Variants in SNX18 observed in about 807,000 individuals in gnomAD.
SNX18 encodes sorting nexin 18.
In SNX18, 35 loss-of-function variants were observed where a neutral mutation model predicts 48.7. The observed-to-expected ratio is 0.72, with a 90% CI of 0.55 to 0.95. SNX18 has a LOEUF of 0.95. SNX18 is among the 40% of genes least tolerant of loss of function. SNX18 has a pLI of 0.00. For missense variants in SNX18, 824 were observed against 871.0 expected (o/e 0.95, Z 0.68); for synonymous variants, 492 against 384.7 (o/e 1.28, Z -3.26).
At chr5:54,552,853 C>G in the SNX18 span, among the ~76,000 whole-genome samples, 151,096 of 152,218 alleles carry the variant, frequency 0.99, 74,999 homozygotes, top group Middle Eastern at 1. Flanking sequence ...AAAAACTAAG[C>G]GGGGAGGAGG....
the SNX18 span, among the ~76,000 whole-genome samples, chr5:54,642,193 C>T: frequency 6.6e-6 from 1 of 152,170 alleles, no homozygotes; most frequent in Non-Finnish European, 1.5e-5. Context: ...GGTCGGGTCA[C>T]AATGCTCCTG....
the SNX18 span, among the ~76,000 whole-genome samples, chr5:54,618,159 G>T: frequency 6.6e-6 from 1 of 152,164 alleles, no homozygotes; most frequent in East Asian, 1.9e-4. Flanking sequence ...TGATGGTTTT[G>T]CAAGGCTTTT....
At chr5:54,611,696 A>G in the SNX18 span, among the ~76,000 whole-genome samples, 1 of 152,268 alleles carries the variant, frequency 6.6e-6, no homozygotes, top group East Asian at 1.9e-4. Context: ...TTATTCCTGA[A>G]AGCATAAACG....
chr5:54,582,777 A>G, the SNX18 span, among the ~76,000 whole-genome samples: 1 of 152,190 alleles, frequency 6.6e-6, no homozygotes, highest in Non-Finnish European at 1.5e-5. Flanking sequence ...AAAGAGAAAA[A>G]TAAATTAGAA....
At chr5:54,541,130 C>T (rs930773967) in intron 1 of SNX18, among the ~76,000 whole-genome samples, 11 of 152,070 alleles carry the variant, frequency 7.2e-5, no homozygotes, top group East Asian at 3.9e-4. Context: ...CGGCTTCAAG[C>T]GATTCTCCTG....
intron 1 of SNX18, among the ~76,000 whole-genome samples, chr5:54,532,625 T>C (rs1286305826): frequency 6.6e-6 from 1 of 152,166 alleles, no homozygotes; most frequent in Non-Finnish European, 1.5e-5. Context: ...TACAGGCAAA[T>C]CAACATTGCC....
At chr5:54,552,347 AG>A in the SNX18 span, among the ~76,000 whole-genome samples, 1 of 152,218 alleles carries the variant, frequency 6.6e-6, no homozygotes, top group Non-Finnish European at 1.5e-5. Context: ...AGGGGTCTAA[AG>A]AGGCTAAGAC....
the SNX18 span, among the ~76,000 whole-genome samples, chr5:54,612,180 C>G: frequency 6.6e-6 from 1 of 152,042 alleles, no homozygotes; most frequent in Non-Finnish European, 1.5e-5. Flanking sequence ...TAATAAGGAC[C>G]ATTCAAGTTA....
chr5:54,634,520 ATTTTTTTGCGATTTT>A, the SNX18 span, among the ~76,000 whole-genome samples: 1 of 151,806 alleles, frequency 6.6e-6, no homozygotes, highest in Non-Finnish European at 1.5e-5. Context: ...ACATTACGAA[ATTTTTTTGCGATTTT>A]TTTTTTCAGC....
chr5:54,633,552 A>G, the SNX18 span, among the ~76,000 whole-genome samples: 3 of 152,194 alleles, frequency 2.0e-5, no homozygotes. Flanking sequence ...GCTGTAGGAC[A>G]TTGGGCAAGT....
the SNX18 span, among the ~76,000 whole-genome samples, chr5:54,599,246 GTAAAA>G: frequency 1.2e-4 from 19 of 152,086 alleles, no homozygotes; most frequent in Non-Finnish European, 2.2e-4. Flanking sequence ...TACAAAGAGA[GTAAAA>G]TACCTAAGAA....
chr5:54,564,793 G>A, the SNX18 span, among the ~76,000 whole-genome samples: 3 of 152,248 alleles, frequency 2.0e-5, no homozygotes, highest in Admixed American at 1.3e-4. Context: ...GGGAGGCAGA[G>A]GTTGCAGTGA....
chr5:54,567,619 T>G, the SNX18 span, among the ~76,000 whole-genome samples: 1 of 152,228 alleles, frequency 6.6e-6, no homozygotes, highest in Non-Finnish European at 1.5e-5. Flanking sequence ...TTTCACTGCA[T>G]GCCTTACTCC....
In SNX18 at chr5:54,519,268, A is replaced by T. The variant is rs1761957803; in HGVS notation, c.1316A>T (p.Asp439Val). ...TTCAAGTGCTTCACCAAGAAGATGG[A>T]CGACAGCGCGCTGCAGCTCAACCAC... Reference protein sequence around the residue: ...DGFKCFTKKMDDSALQLNHTA... With the variant: ...DGFKCFTKKMVDSALQLNHTA... The change falls in exon 1 of 2, where the codon GAC becomes GTC. Residue 439 changes from aspartate to valine, a missense_variant. This residue lies in a region of SNX18 where 443 missense variants were observed against 503.6 expected (regional missense o/e 0.88). Coordinates refer to ENST00000381410, the MANE Select transcript of SNX18 (RefSeq NM_001102575.2). 1.2e-6 allele frequency: 2 copies of T among 1,613,974 alleles called. No individual in the cohort carries two copies. Among genetic ancestry groups the T allele is most frequent in the African/African-American group, 2.7e-5 (2 of 74,936 alleles).
At chr5:54,590,971 G>A in the SNX18 span, among the ~76,000 whole-genome samples, 1 of 152,092 alleles carries the variant, frequency 6.6e-6, no homozygotes, top group African/African-American at 2.4e-5. Flanking sequence ...AAGAAACAGA[G>A]TAAAGTAAGT....
At chr5:54,532,170 TA>T (rs1393799027) in intron 1 of SNX18, among the ~76,000 whole-genome samples, 1 of 152,176 alleles carries the variant, frequency 6.6e-6, no homozygotes, top group African/African-American at 2.4e-5. Flanking sequence ...GGTCTCCCTT[TA>T]TCTTTCTAGA....
the SNX18 span, among the ~76,000 whole-genome samples, chr5:54,591,908 C>T: frequency 6.0e-5 from 9 of 149,642 alleles, no homozygotes; most frequent in East Asian, 1.2e-3. Flanking sequence ...TAAGCCACTA[C>T]GAGTTTTGGA....
Position 54,544,539 on chromosome 5 carries a change from A to G in SNX18, c.*1107A>G, listed in dbSNP as rs1184788220. On this transcript the variant is annotated 3_prime_UTR_variant, in exon 2 of 2. Transcript: ENST00000381410. ...CATGAAAAGTGGTGTGGATTGATCT[A>G]AGGAGGGACCAGAAATAATTTTTGC... The G allele has an allele frequency of 2.0e-5, 3 of 151,848 alleles. No homozygotes were observed. Among genetic ancestry groups the G allele is most frequent in the East Asian group, 3.9e-4 (2 of 5,170 alleles). 9.4% of individuals were successfully genotyped at this position (151,848 alleles called of 1,614,324 possible). A position where few individuals can be genotyped will look rare whatever the true frequency, so the allele number is the denominator to read the frequency against.
the SNX18 span, among the ~76,000 whole-genome samples, chr5:54,574,595 A>T: frequency 6.6e-6 from 1 of 152,198 alleles, no homozygotes; most frequent in Non-Finnish European, 1.5e-5. Flanking sequence ...GTTATTAGGG[A>T]CAGTTAGCAG....
Sources: gnomAD v4.1 joint callset for allele counts (sites outside exome capture counted in the v4.1 genomes callset) on GRCh38, gnomAD v4.1.1 for gene constraint, gnomAD v4.1.1 regional missense constraint, MANE v1.5 for transcripts, NCBI Gene and HGNC (gene_info 2026-07-23, HGNC 2026-07-21) for gene names.